Variants in DOCK2 observed in about 807,000 individuals in gnomAD.
DOCK2 encodes dedicator of cytokinesis 2.
DOCK2 carries 87 observed loss-of-function variants against 248.9 expected under a neutral mutation model. That is an observed-to-expected ratio of 0.35 (90% CI 0.29 to 0.42). DOCK2 has a LOEUF of 0.42. Among genes scored for constraint, DOCK2 ranks in the 10% least tolerant of loss-of-function variants. The probability of loss-of-function intolerance (pLI) is 1.00; values close to 1 mark genes in which losing one functional copy is unlikely to be tolerated. For missense variants in DOCK2, 1,747 were observed against 2,300.2 expected (o/e 0.76, Z 4.92); for synonymous variants, 805 against 821.6 (o/e 0.98, Z 0.35).
intron 27 of DOCK2, among the ~76,000 whole-genome samples, chr5:169,903,540 G>A (rs753532616): frequency 6.6e-6 from 1 of 151,588 alleles, no homozygotes; most frequent in Non-Finnish European, 1.5e-5. Context: ...GGGGGGCAGG[G>A]GGCGTTCGGG....
intron 38 of DOCK2, 40 bp from the exon 39 acceptor site, chr5:170,045,776 G>A: frequency 6.2e-7 from 1 of 1,601,796 alleles, no homozygotes; most frequent in Non-Finnish European, 8.6e-7. Context: ...TGCAAACCCG[G>A]TGGTGCCACC....
chr5:169,835,854 TG>T (rs1160821137), intron 26 of DOCK2, among the ~76,000 whole-genome samples: 1 of 151,710 alleles, frequency 6.6e-6, no homozygotes, highest in South Asian at 2.1e-4. Context: ...CTCAACTTTC[TG>T]GGCTCAAGCC....
intron 27 of DOCK2, among the ~76,000 whole-genome samples, chr5:169,888,811 G>C (rs1325669573): frequency 1.3e-5 from 2 of 152,188 alleles, no homozygotes; most frequent in African/African-American, 4.8e-5. Context: ...ATAGAACCCA[G>C]CTGGTAGCCA....
chr5:169,855,230 C>G (rs887612734), intron 27 of DOCK2, among the ~76,000 whole-genome samples: 1 of 152,226 alleles, frequency 6.6e-6, no homozygotes, highest in Non-Finnish European at 1.5e-5. Context: ...ATTGTAACTT[C>G]AAGAAACTAG....
chr5:170,027,746 C>T, intron 33 of DOCK2, 117 bp from the exon 34 acceptor site: 1 of 916,064 alleles, frequency 1.1e-6, no homozygotes, highest in Non-Finnish European at 1.7e-6. Flanking sequence ...CAGATCCCAG[C>T]ACTCAACCTG....
chr5:169,878,485 T>G (rs1403112117), intron 27 of DOCK2, among the ~76,000 whole-genome samples: 1 of 152,234 alleles, frequency 6.6e-6, no homozygotes, highest in Non-Finnish European at 1.5e-5. Context: ...TAAAAATGAT[T>G]GTATTCTAGC....
chr5:169,775,512 C>G (rs1765335896), intron 25 of DOCK2, among the ~76,000 whole-genome samples: 1 of 151,822 alleles, frequency 6.6e-6, no homozygotes, highest in Admixed American at 6.6e-5. Context: ...CAGACAAAAC[C>G]TACAGATGGA....
intron 28 of DOCK2, 104 bp from the exon 29 acceptor site, chr5:169,985,724 C>T (rs1044510426): frequency 6.1e-6 from 5 of 818,432 alleles, no homozygotes; most frequent in Non-Finnish European, 9.1e-6. Context: ...TGTCCCTTCC[C>T]TTTTCCTCCC....
At chr5:170,055,079 G>T (rs191136710) in intron 41 of DOCK2, among the ~76,000 whole-genome samples, 1 of 152,196 alleles carries the variant, frequency 6.6e-6, no homozygotes, top group Non-Finnish European at 1.5e-5. Context: ...AACTCTGTTT[G>T]TAGGGGCTGA....
chr5:170,008,225 C>CAAAA (rs60090712), intron 30 of DOCK2, among the ~76,000 whole-genome samples: 1 of 113,884 alleles, frequency 8.8e-6, no homozygotes, highest in African/African-American at 3.0e-5. Context: ...ACAACAACAA[C>CAAAA]AAAAAAAAAA....
At chr5:169,718,568 A>T in intron 21 of DOCK2, 89 bp from the exon 22 acceptor site, 1 of 1,467,108 alleles carries the variant, frequency 6.8e-7, no homozygotes, top group Non-Finnish European at 9.2e-7. Flanking sequence ...TACCACCTTT[A>T]ACCTTTGATT....
At chr5:169,979,271 G>C (rs769250527) in intron 27 of DOCK2, among the ~76,000 whole-genome samples, 14 of 152,118 alleles carry the variant, frequency 9.2e-5, no homozygotes, top group Non-Finnish European at 1.3e-4. Context: ...TAAGTTGCTA[G>C]GGCAAATGCA....
At chr5:169,936,232 A>AT (rs1160653338) in intron 27 of DOCK2, among the ~76,000 whole-genome samples, 1 of 152,244 alleles carries the variant, frequency 6.6e-6, no homozygotes, top group Non-Finnish European at 1.5e-5. Context: ...CCCAAGCGTG[A>AT]TAACACTTCC....
chr5:169,803,102 G>T lies in DOCK2; in HGVS notation c.2599G>T (p.Glu867Ter), dbSNP rs1178572768. Reference sequence around the variant, plus strand: ...TCCTGTCATCACCAAAGAGCTGAAGGAGCTGCTGGAGCAGAAGGATGACAT... The same window carrying T: ...TCCTGTCATCACCAAAGAGCTGAAGTAGCTGCTGGAGCAGAAGGATGACAT... ...LLPVITKELK[E>*]LLEQKDDMQH... The change falls in exon 26 of 52, where the codon GAG (glutamate) becomes TAG (stop). Residue 867 changes from glutamate to a stop codon, truncating the protein, a stop_gained. Coordinates refer to ENST00000520908, the MANE Select transcript of DOCK2 (RefSeq NM_004946.3). LOFTEE classifies it high-confidence loss of function. 1 of 1,614,196 alleles carries T rather than the reference G, an allele frequency of 6.2e-7. No homozygotes were observed. The highest frequency in any genetic ancestry group is 8.5e-7 in the Non-Finnish European group (1 of 1,180,024).
At chr5:169,841,753 CCTTA>C (rs1335318155) in intron 27 of DOCK2, among the ~76,000 whole-genome samples, 1 of 152,166 alleles carries the variant, frequency 6.6e-6, no homozygotes, top group Non-Finnish European at 1.5e-5. Context: ...AAAAGTCATA[CCTTA>C]CTTCTTTATT....
At chr5:169,713,670 C>A (rs1447597679) in intron 17 of DOCK2, among the ~76,000 whole-genome samples, 1 of 152,150 alleles carries the variant, frequency 6.6e-6, no homozygotes, top group Non-Finnish European at 1.5e-5. Context: ...CATTAAATTC[C>A]TCTTTAAGCT....
chr5:170,066,185 C>G (rs949763669), intron 44 of DOCK2, among the ~76,000 whole-genome samples: 1 of 151,874 alleles, frequency 6.6e-6, no homozygotes. Context: ...CTCCTGACCT[C>G]GTGATCTGCC....
chr5:169,739,031 C>T (rs561915961), intron 22 of DOCK2, among the ~76,000 whole-genome samples: 6 of 152,278 alleles, frequency 3.9e-5, no homozygotes, highest in Admixed American at 2.6e-4. Flanking sequence ...TTTTATTGCA[C>T]ATGCATTTTT....
chr5:169,830,288 G>A (rs1467856025), intron 26 of DOCK2, among the ~76,000 whole-genome samples: 1 of 152,138 alleles, frequency 6.6e-6, no homozygotes, highest in African/African-American at 2.4e-5. Context: ...TATCATAATG[G>A]CTGGCATATA....
Sources: gnomAD v4.1 joint callset for allele counts (sites outside exome capture counted in the v4.1 genomes callset) on GRCh38, gnomAD v4.1.1 for gene constraint, MANE v1.5 for transcripts, NCBI Gene and HGNC (gene_info 2026-07-23, HGNC 2026-07-21) for gene names.